FTO: variants seen among roughly 807,000 people sequenced by gnomAD.
FTO encodes the protein alpha-ketoglutarate-dependent dioxygenase FTO.
FTO carries 47 observed loss-of-function variants against 63.9 expected under a neutral mutation model. That is an observed-to-expected ratio of 0.74 (90% CI 0.58 to 0.94). The LOEUF (loss-of-function observed/expected upper bound fraction) is 0.94, where lower values mean the gene tolerates loss of function less well. Ranked by LOEUF, FTO falls within the 40% of genes least tolerant of loss-of-function variation. FTO has a pLI of 0.00. For synonymous variants in FTO, 207 were observed against 224.4 expected (o/e 0.92, Z 0.69); for missense variants, 562 against 618.1 (o/e 0.91, Z 0.96).
At chr16:53,749,817 C>CT (rs2076740357) in intron 1 of FTO, among the ~76,000 whole-genome samples, 1 of 152,102 alleles carries the variant, frequency 6.6e-6, no homozygotes, top group Non-Finnish European at 1.5e-5. Flanking sequence ...AGGCACATTC[C>CT]TTTTATACCT....
chr16:53,801,031 G>A (rs1031095955), intron 1 of FTO, among the ~76,000 whole-genome samples: 2 of 151,872 alleles, frequency 1.3e-5, no homozygotes, highest in Non-Finnish European at 2.9e-5. Context: ...GTTGCATACT[G>A]CTTTTAAAAA....
At chr16:53,903,950 T>C (rs1365447053) in intron 7 of FTO, among the ~76,000 whole-genome samples, 8 of 151,856 alleles carry the variant, frequency 5.3e-5, no homozygotes, top group Non-Finnish European at 2.9e-5. Context: ...TCTATATGTA[T>C]GTATGTAGAG....
At chr16:53,828,295 C>A (rs1202520134) in intron 3 of FTO, among the ~76,000 whole-genome samples, 1 of 152,180 alleles carries the variant, frequency 6.6e-6, no homozygotes, top group African/African-American at 2.4e-5. Flanking sequence ...TCTCCACTCA[C>A]TGCAAGCTCC....
intron 6 of FTO, chr16:53,887,011 A>T (rs891140960): frequency 6.6e-6 from 1 of 152,240 alleles, no homozygotes; most frequent in Non-Finnish European, 1.5e-5. Context: ...TTGATGAATG[A>T]TAGAAGACTT....
At chr16:54,109,923 A>G (rs16953065) in intron 8 of FTO, among the ~76,000 whole-genome samples, 3,842 of 152,272 alleles carry the variant, frequency 0.025, 108 homozygotes, top group South Asian at 0.093. Flanking sequence ...CAATTTATCC[A>G]CTGTGAGATT....
chr16:54,088,139 A>T (rs1213483963), intron 8 of FTO, among the ~76,000 whole-genome samples: 2 of 152,206 alleles, frequency 1.3e-5, no homozygotes, highest in African/African-American at 2.4e-5. Context: ...TGCCCTTCCA[A>T]ATATTCTTCT....
chr16:53,906,223 T>A (rs2081536019), intron 7 of FTO, among the ~76,000 whole-genome samples: 1 of 152,152 alleles, frequency 6.6e-6, no homozygotes. Flanking sequence ...AGATACAGAT[T>A]TAATTGGTCT....
chr16:54,024,268 G>C (rs566887752), intron 8 of FTO, among the ~76,000 whole-genome samples: 20 of 152,150 alleles, frequency 1.3e-4, no homozygotes, highest in Non-Finnish European at 2.5e-4. Flanking sequence ...TCTGTCACCA[G>C]GCTGGAGTGC....
intron 2 of FTO, among the ~76,000 whole-genome samples, chr16:53,815,545 T>G (rs2078650986): frequency 6.6e-6 from 1 of 151,958 alleles, no homozygotes; most frequent in Non-Finnish European, 1.5e-5. Context: ...TTGTACCTCC[T>G]TGTTTTATAA....
At chr16:53,841,576 TC>T (rs549861923) in intron 3 of FTO, among the ~76,000 whole-genome samples, 186 of 152,344 alleles carry the variant, frequency 1.2e-3, no homozygotes, top group African/African-American at 4.3e-3. Flanking sequence ...TCTGATGTGT[TC>T]ATTTTCACCA....
chr16:54,002,266 G>A (rs1423251739), intron 8 of FTO, among the ~76,000 whole-genome samples: 7 of 152,086 alleles, frequency 4.6e-5, no homozygotes, highest in Non-Finnish European at 5.9e-5. Context: ...GTGATCCTCC[G>A]ACCTCGGCCT....
chr16:54,109,339 C>T lies in FTO; in HGVS notation c.1365-2423C>T, dbSNP rs115567915. On this transcript the variant is annotated intron_variant, in intron 8 of 8. Coordinates refer to ENST00000471389, the MANE Select transcript of FTO (RefSeq NM_001080432.3). ...AGCCAGTCTTTGTTTTTTTCTTCTT[C>T]TTCTTCTTTTGGAAAGAGTCTTGCT... Among the ~76,000 whole-genome samples, 1,477 of 152,182 alleles carry T rather than the reference C, an allele frequency of 9.7e-3. 22 individuals are homozygous for T. Among genetic ancestry groups the T allele is most frequent in the African/African-American group, 0.033 (1,390 of 41,538 alleles).
Position 53,795,741 on chromosome 16 carries a change from G to A in FTO, c.46-14399G>A, listed in dbSNP as rs142045665. On this transcript the variant is annotated intron_variant, in intron 1 of 8. Coordinates refer to ENST00000471389, the MANE Select transcript of FTO (RefSeq NM_001080432.3). ...GATATAGAGGAAAAAACATTTTTGA[G>A]ATACAAAACAAAAAAATGCCAATTA... 4.6e-5 allele frequency among the ~76,000 whole-genome samples: 7 copies of A among 152,176 alleles called. No homozygotes were observed. In the East Asian group the frequency reaches 1.4e-3, roughly 29 times the overall value.
Position 54,112,179 on chromosome 16 carries a change from C to G in FTO, c.*264C>G, listed in dbSNP as rs1374872658. On this transcript the variant is annotated 3_prime_UTR_variant, in exon 9 of 9. Coordinates refer to ENST00000471389, the MANE Select transcript of FTO (RefSeq NM_001080432.3). ...TATAAAATGTGAGCCATTCAGCCCC[C>G]AAGGTCCAGGGCAGGCGACAGGAAC... is the stretch of plus-strand genomic sequence containing the variant. 2.1e-6 allele frequency: 1 copy of G among 474,954 alleles called. No individual in the cohort carries two copies. Among genetic ancestry groups the G allele is most frequent in the East Asian group, 4.2e-5 (1 of 23,724 alleles). The allele number at this position is 474,954 out of a possible 1,614,324, so 29.4% of individuals were successfully genotyped here.
At chr16:54,060,343 T>A (rs1334348642) in intron 8 of FTO, among the ~76,000 whole-genome samples, 2 of 152,328 alleles carry the variant, frequency 1.3e-5, no homozygotes, top group East Asian at 1.9e-4. Context: ...GTTCTCTGAG[T>A]GGCTGGCCCC....
intron 3 of FTO, among the ~76,000 whole-genome samples, chr16:53,842,327 T>C (rs923089122): frequency 6.6e-6 from 1 of 152,242 alleles, no homozygotes; most frequent in Non-Finnish European, 1.5e-5. Context: ...CAGTGGGGCA[T>C]AGCTCTTTGT....
chr16:53,838,787 C>G (rs995870611), intron 3 of FTO, among the ~76,000 whole-genome samples: 1 of 151,848 alleles, frequency 6.6e-6, no homozygotes, highest in Non-Finnish European at 1.5e-5. Context: ...TGCAGTGAGC[C>G]AAGATCACGA....
chr16:53,980,043 C>T (rs959234275), intron 8 of FTO, among the ~76,000 whole-genome samples: 6 of 152,186 alleles, frequency 3.9e-5, no homozygotes, highest in South Asian at 4.1e-4. Context: ...TGCCATGAAG[C>T]GAACCAGGCT....
chr16:53,946,016 T>A (rs1379653222), intron 8 of FTO, among the ~76,000 whole-genome samples: 2 of 152,222 alleles, frequency 1.3e-5, no homozygotes, highest in African/African-American at 4.8e-5. Flanking sequence ...AAATTTACTC[T>A]GTAATGTTAT....
Sources: gnomAD v4.1 joint callset for allele counts (sites outside exome capture counted in the v4.1 genomes callset) on GRCh38, gnomAD v4.1.1 for gene constraint, MANE v1.5 for transcripts, NCBI Gene and HGNC (gene_info 2026-07-23, HGNC 2026-07-21) for gene names.